Variants in PRKCH observed in about 807,000 individuals in gnomAD.
PRKCH encodes protein kinase C eta type.
In PRKCH, 28 loss-of-function variants were observed where a neutral mutation model predicts 82.5. The ratio of observed to expected loss-of-function variants is 0.34; its 90% confidence interval spans 0.25 to 0.47. PRKCH has a LOEUF of 0.47. Ranked by LOEUF, PRKCH falls within the 20% of genes least tolerant of loss-of-function variation. The probability of loss-of-function intolerance (pLI) is 1.00; values close to 1 mark genes in which losing one functional copy is unlikely to be tolerated. For missense variants in PRKCH, 705 were observed against 881.8 expected, an observed-to-expected ratio of 0.80 and a Z score of 2.54; for synonymous variants, 322 against 327.4, an observed-to-expected ratio of 0.98 and a Z score of 0.18.
At chr14:61,427,647 C>T (rs574650862) in intron 2 of PRKCH, among the ~76,000 whole-genome samples, 38 of 152,158 alleles carry the variant, frequency 2.5e-4, no homozygotes, top group Admixed American at 1.0e-3. Flanking sequence ...AGTGCAGTGG[C>T]GTGACAATGG....
chr14:61,234,896 A>G (rs1197226386), intron 1 of PRKCH, among the ~76,000 whole-genome samples: 1 of 152,244 alleles, frequency 6.6e-6, no homozygotes, highest in East Asian at 1.9e-4. Flanking sequence ...AGCCATAGGC[A>G]GTCTCTGTCT....
At chr14:61,272,340 C>CTT (rs1335053986) in intron 1 of PRKCH, among the ~76,000 whole-genome samples, 16 of 97,826 alleles carry the variant, frequency 1.6e-4, no homozygotes, top group African/African-American at 2.8e-4. Context: ...TTTCTTTTTT[C>CTT]TTTCTTTTTT....
intron 2 of PRKCH, among the ~76,000 whole-genome samples, chr14:61,397,828 T>A (rs967070426): frequency 1.8e-4 from 28 of 152,218 alleles, no homozygotes; most frequent in African/African-American, 6.8e-4. Flanking sequence ...ATGTGCTGTG[T>A]GAAGGTTTAT....
intron 1 of PRKCH, among the ~76,000 whole-genome samples, chr14:61,247,573 T>C (rs2044896644): frequency 6.6e-6 from 1 of 151,434 alleles, no homozygotes; most frequent in Non-Finnish European, 1.5e-5. Context: ...CTATCTCTCC[T>C]AAAAATACAA....
At position 61,428,112 on chromosome 14, in the gene PRKCH, C is replaced by CACATATATATATATAT. The variant is rs1391102641; in HGVS notation, c.428-14998_428-14997insCATATATATATATATA. Among the ~76,000 whole-genome samples the CACATATATATATATAT allele has an allele frequency of 4.0e-4, 58 of 145,596 alleles. 1 individual carries two copies. The East Asian group carries it at 5.3e-3, about 13-fold the overall frequency. On this transcript the variant is annotated intron_variant, in intron 2 of 13. Coordinates refer to ENST00000332981, the MANE Select transcript of PRKCH (RefSeq NM_006255.5). ...ACACACACACATATATATATACACACATATATATATATATATATATGTATC... is the reference window on the plus strand; with the variant it reads ...ACACACACACATATATATATACACACACATATATATATATATATATATATATATATATATATGTATC...
intron 2 of PRKCH, among the ~76,000 whole-genome samples, chr14:61,432,149 C>T (rs970954458): frequency 1.2e-4 from 19 of 152,012 alleles, no homozygotes; most frequent in African/African-American, 4.6e-4. Context: ...CCACTTTACC[C>T]TCCTACTGAG....
intron 1 of PRKCH, among the ~76,000 whole-genome samples, chr14:61,297,198 A>T (rs961473684): frequency 1.3e-5 from 2 of 152,230 alleles, no homozygotes; most frequent in Non-Finnish European, 2.9e-5. Context: ...GCATTAGTTA[A>T]TATTTTCATG....
At chr14:61,334,028 T>A (rs2045821987) in intron 1 of PRKCH, among the ~76,000 whole-genome samples, 2 of 152,160 alleles carry the variant, frequency 1.3e-5, no homozygotes, top group East Asian at 1.9e-4. Context: ...GACAACCCGA[T>A]GTTGGTGGAA....
intron 1 of PRKCH, among the ~76,000 whole-genome samples, chr14:61,287,398 A>G (rs545974323): frequency 6.6e-6 from 1 of 151,848 alleles, no homozygotes; most frequent in South Asian, 2.1e-4. Context: ...TACTGGAAAG[A>G]AGAGAGGGGG....
At chr14:61,201,257 C>T (rs2044478862) in intron 1 of PRKCH, among the ~76,000 whole-genome samples, 1 of 152,078 alleles carries the variant, frequency 6.6e-6, no homozygotes, top group East Asian at 1.9e-4. Context: ...ATTTAATCTT[C>T]AAACAATTAT....
intron 2 of PRKCH, among the ~76,000 whole-genome samples, chr14:61,400,369 TG>T (rs1442532510): frequency 6.6e-6 from 1 of 152,242 alleles, no homozygotes; most frequent in African/African-American, 2.4e-5. Context: ...TTTTTTAAAA[TG>T]TAGCTTTAAA....
intron 2 of PRKCH, among the ~76,000 whole-genome samples, chr14:61,432,370 G>A (rs958154392): frequency 4.0e-5 from 6 of 151,568 alleles, no homozygotes; most frequent in South Asian, 2.1e-4. Context: ...ACCTTCCCTC[G>A]AACATTTCCC....
chr14:61,230,314 C>T (rs1040143402), intron 1 of PRKCH, among the ~76,000 whole-genome samples: 1 of 152,130 alleles, frequency 6.6e-6, no homozygotes, highest in Non-Finnish European at 1.5e-5. Context: ...TTTTTGGTCT[C>T]GATGTCACTT....
chr14:61,316,945 G>C (rs1321361410), upstream of PRKCH, among the ~76,000 whole-genome samples: 2 of 152,146 alleles, frequency 1.3e-5, no homozygotes, highest in South Asian at 2.1e-4. Flanking sequence ...TGATGAGAGG[G>C]GGAAGGAAGG....
At chr14:61,508,934 A>G (rs142272962) in intron 10 of PRKCH, among the ~76,000 whole-genome samples, 48 of 152,178 alleles carry the variant, frequency 3.2e-4, no homozygotes, top group African/African-American at 1.0e-3. Flanking sequence ...AGTGCTACCA[A>G]TTAGATTGTA....
intron 6 of PRKCH, chr14:61,452,808 C>G (rs971089486): frequency 4.8e-6 from 1 of 206,650 alleles, no homozygotes; most frequent in African/African-American, 2.4e-5. Context: ...GGCATTTAAA[C>G]TGCTACCTTT....
chr14:61,401,444 A>G (rs1437496590), intron 2 of PRKCH, among the ~76,000 whole-genome samples: 1 of 152,184 alleles, frequency 6.6e-6, no homozygotes. Flanking sequence ...GATCCTGCAG[A>G]CTTCTGAGAG....
chr14:61,533,887 G>A (rs1011522236), intron 12 of PRKCH, among the ~76,000 whole-genome samples: 28 of 152,178 alleles, frequency 1.8e-4, no homozygotes, highest in African/African-American at 2.4e-4. Context: ...AGGAGGGTTC[G>A]AGATAGCAAG....
chr14:61,467,336 G>A (rs1316281867), intron 9 of PRKCH, among the ~76,000 whole-genome samples: 4 of 152,228 alleles, frequency 2.6e-5, no homozygotes, highest in African/African-American at 9.6e-5. Flanking sequence ...TTTAGGGAGT[G>A]CCCCTCCAGC....
Sources: gnomAD v4.1 joint callset for allele counts (sites outside exome capture counted in the v4.1 genomes callset) on GRCh38, gnomAD v4.1.1 for gene constraint, MANE v1.5 for transcripts, NCBI Gene and HGNC (gene_info 2026-07-23, HGNC 2026-07-21) for gene names.